KCNQ3: variants seen among roughly 807,000 people sequenced by gnomAD.
KCNQ3 encodes potassium voltage-gated channel subfamily KQT member 3.
Under a neutral mutation model 92.5 loss-of-function variants are expected in KCNQ3, and 30 were observed. That is an observed-to-expected ratio of 0.32 (90% confidence interval 0.24 to 0.44). The LOEUF (loss-of-function observed/expected upper bound fraction) is 0.44. Among genes scored for constraint, KCNQ3 ranks in the 20% least tolerant of loss-of-function variants. The pLI is 1.00. For synonymous variants in KCNQ3, 450 were observed against 468.8 expected, an observed-to-expected ratio of 0.96 and a Z score of 0.52; for missense variants, 913 against 1,140.3, an observed-to-expected ratio of 0.80 and a Z score of 2.87.
At chr8:132,439,440 T>G (rs963275214) in intron 1 of KCNQ3, among the ~76,000 whole-genome samples, 1 of 152,038 alleles carries the variant, frequency 6.6e-6, no homozygotes, top group African/African-American at 2.4e-5. Context: ...AGAAGGTGCT[T>G]CCATTAAAGC....
At chr8:132,205,542 A>T (rs1813629515) in intron 1 of KCNQ3, among the ~76,000 whole-genome samples, 1 of 152,232 alleles carries the variant, frequency 6.6e-6, no homozygotes, top group African/African-American at 2.4e-5. Context: ...AGCAGTGCAG[A>T]CTTGGGGAAA....
rs1175401535 is a variant in KCNQ3 at position 132,294,003 on chromosome 8, T to G, written c.387-107822A>C. On this transcript the variant is annotated intron_variant, in intron 1 of 14. Coordinates refer to ENST00000388996, the MANE Select transcript of KCNQ3 (RefSeq NM_004519.4). ...AAGGGTTTTTTGTGTGTGTGTGGTT[T>G]TTTTTTTTTTTTTTTGAGACGGAGT... is the stretch of plus-strand genomic sequence containing the variant. 6.5e-5 allele frequency among the ~76,000 whole-genome samples: 7 copies of G among 107,144 alleles called. 1 individual carries two copies. Among genetic ancestry groups the G allele is most frequent in the African/African-American group, 2.8e-4 (7 of 25,026 alleles). The allele number at this position is 107,144 out of a possible 152,430, so 70.3% of individuals were successfully genotyped here.
At chr8:132,144,411 CT>C (rs1208264185) in intron 9 of KCNQ3, among the ~76,000 whole-genome samples, 1 of 152,212 alleles carries the variant, frequency 6.6e-6, no homozygotes, top group East Asian at 1.9e-4. Flanking sequence ...CAACTCTGTT[CT>C]ACGCTGTATG....
At chr8:132,208,852 G>A (rs1813756009) in intron 1 of KCNQ3, among the ~76,000 whole-genome samples, 1 of 152,128 alleles carries the variant, frequency 6.6e-6, no homozygotes, top group African/African-American at 2.4e-5. Context: ...TGGCACATAG[G>A]AGGCTTTCAG....
intron 1 of KCNQ3, among the ~76,000 whole-genome samples, chr8:132,368,928 T>C (rs564253144): frequency 5.3e-5 from 8 of 152,068 alleles, no homozygotes; most frequent in African/African-American, 1.9e-4. Flanking sequence ...TTTTTTCTGA[T>C]CCGGGATCCC....
intron 3 of KCNQ3, among the ~76,000 whole-genome samples, chr8:132,181,908 G>A (rs1826791679): frequency 6.6e-6 from 1 of 152,080 alleles, no homozygotes; most frequent in Admixed American, 6.5e-5. Context: ...AGCTGGGCAC[G>A]GTGGTGGGTG....
At chr8:132,228,234 T>G (rs1268087278) in intron 1 of KCNQ3, among the ~76,000 whole-genome samples, 3 of 152,210 alleles carry the variant, frequency 2.0e-5, no homozygotes, top group Non-Finnish European at 4.4e-5. Context: ...GTGGGCCCTT[T>G]TTTTCAAGAA....
rs35831322 is a variant in KCNQ3, at chr8:132,172,397, T to TACACACACACACACAC, written c.1140+185_1140+200dup. 5.7e-5 allele frequency among the ~76,000 whole-genome samples: 8 copies of TACACACACACACACAC among 140,482 alleles called. No individual in the cohort carries two copies. The South Asian group carries it at 7.3e-4, about 13-fold the overall frequency. 92.2% of individuals were successfully genotyped at this position (140,482 alleles called of 152,430 possible). On this transcript the variant is annotated intron_variant, in intron 7 of 14. Transcript: ENST00000388996. Reference sequence around the variant, plus strand: ...GCCTGCTCCTGCCTGGGCACATTAATACACACACACACACACACACACACA... The same window carrying TACACACACACACACAC: ...GCCTGCTCCTGCCTGGGCACATTAATACACACACACACACACACACACACACACACACACACACACA...
Position 132,180,163 on chromosome 8 carries a change from G to A in KCNQ3, c.771C>T (p.His257=). Residue 257 remains histidine (H), a synonymous_variant, in exon 4 of 15, where the codon CAC becomes CAT. Coordinates refer to ENST00000388996, the MANE Select transcript of KCNQ3 (RefSeq NM_004519.4). ...WKLLGSAICA[H]SKELITAWYI... The stretch of plus-strand genomic sequence containing the variant: ...GTTTCTCCACCACACTTACTTTGCT[G>A]TGGGCACAGATGGCTGAGCCCAGAA... 6.2e-7 allele frequency: 1 copy of A among 1,614,132 alleles called. No individual in the cohort carries two copies. Among genetic ancestry groups the A allele is most frequent in the South Asian group, 1.1e-5 (1 of 91,086 alleles).
At chr8:132,467,656 C>T (rs1385760948) in intron 1 of KCNQ3, among the ~76,000 whole-genome samples, 1 of 152,216 alleles carries the variant, frequency 6.6e-6, no homozygotes, top group Non-Finnish European at 1.5e-5. Flanking sequence ...ACAAACACCT[C>T]ACCTCACATG....
chr8:132,256,724 C>G (rs1020317721), intron 1 of KCNQ3, among the ~76,000 whole-genome samples: 1 of 152,122 alleles, frequency 6.6e-6, no homozygotes, highest in Non-Finnish European at 1.5e-5. Context: ...AGAAAAAATA[C>G]TGTAAACCAA....
chr8:132,302,356 G>A (rs147307454), intron 1 of KCNQ3, among the ~76,000 whole-genome samples: 3,038 of 152,292 alleles, frequency 0.02, 44 homozygotes, highest in Non-Finnish European at 0.029. Context: ...CATTTTCATG[G>A]TGACAATGGT....
intron 1 of KCNQ3, among the ~76,000 whole-genome samples, chr8:132,269,385 A>G (rs1470509662): frequency 6.6e-6 from 1 of 152,206 alleles, no homozygotes; most frequent in Non-Finnish European, 1.5e-5. Context: ...TGAAGAGCAT[A>G]AAGTCTGTGT....
intron 14 of KCNQ3, 89 bp downstream of exon 14, chr8:132,132,087 TAAAA>T: frequency 1.3e-6 from 1 of 778,422 alleles, no homozygotes; most frequent in Non-Finnish European, 2.1e-6. Flanking sequence ...ACCTTCGTCT[TAAAA>T]AAAAAAAAGA....
intron 12 of KCNQ3, 126 bp from the exon 13 acceptor site, chr8:132,134,514 GGA>G (rs1486218102): frequency 4.6e-6 from 3 of 648,072 alleles, no homozygotes; most frequent in Non-Finnish European, 8.4e-6. Flanking sequence ...GGAGAGGAGA[GGA>G]GAAGTGAGGA....
chr8:132,391,028 G>T (rs930182178), intron 1 of KCNQ3, among the ~76,000 whole-genome samples: 1 of 152,204 alleles, frequency 6.6e-6, no homozygotes, highest in East Asian at 1.9e-4. Context: ...TCAGAAAACA[G>T]TCCAGTGATA....
At chr8:132,255,701 C>T (rs991037229) in intron 1 of KCNQ3, among the ~76,000 whole-genome samples, 2 of 152,198 alleles carry the variant, frequency 1.3e-5, no homozygotes, top group Admixed American at 1.3e-4. Context: ...TTATCAATGA[C>T]TGAAAGACTT....
chr8:132,375,059 G>A (rs1819573749), intron 1 of KCNQ3, among the ~76,000 whole-genome samples: 2 of 151,834 alleles, frequency 1.3e-5, no homozygotes, highest in Non-Finnish European at 2.9e-5. Context: ...GGGATTGCTG[G>A]GTCAAATGGT....
chr8:132,371,359 G>A (rs1372983831), intron 1 of KCNQ3, among the ~76,000 whole-genome samples: 1 of 152,172 alleles, frequency 6.6e-6, no homozygotes, highest in Non-Finnish European at 1.5e-5. Flanking sequence ...TACTGGAAAT[G>A]ATACTGAATC....
Sources: gnomAD v4.1 joint callset for allele counts (sites outside exome capture counted in the v4.1 genomes callset) on GRCh38, gnomAD v4.1.1 for gene constraint, MANE v1.5 for transcripts, NCBI Gene and HGNC (gene_info 2026-07-23, HGNC 2026-07-21) for gene names.